WASHC5: variants seen among roughly 807,000 people sequenced by gnomAD.
The protein encoded by WASHC5 is WASH complex subunit 5.
WASHC5 carries 101 observed loss-of-function variants against 150.4 expected under a neutral mutation model. The ratio of observed to expected loss-of-function variants is 0.67; its 90% CI spans 0.57 to 0.79. The LOEUF is 0.79. Among genes scored for constraint, WASHC5 ranks in the 30% least tolerant of loss-of-function variants. The pLI is 0.00. For missense variants in WASHC5, 1,195 were observed against 1,396.3 expected (o/e 0.86, Z 2.30); for synonymous variants, 467 against 491.2 (o/e 0.95, Z 0.65).
At chr8:125,077,797 C>A (rs576283233) in intron 6 of WASHC5, among the ~76,000 whole-genome samples, 1 of 152,262 alleles carries the variant, frequency 6.6e-6, no homozygotes, top group Non-Finnish European at 1.5e-5. Context: ...GGTATGGGAA[C>A]AAAACCTCCT....
chr8:125,063,534 C>T lies in WASHC5; in HGVS notation c.1396G>A (p.Val466Met). ...VFSGVKPLTR[V>M]EKNENLQAWF... ...CTTCAGTAATTACCATTTTTCTCCACTCTGGTTAGGGGTTTCACTCCTGAA... is the reference window on the plus strand; with the variant it reads ...CTTCAGTAATTACCATTTTTCTCCATTCTGGTTAGGGGTTTCACTCCTGAA... Residue 466 changes from valine (V) to methionine (M), a missense_variant, in exon 11 of 29, where the codon GTG (valine) becomes ATG (methionine). Val to Met is a conservative substitution (Grantham distance 21, BLOSUM62 1). This residue lies in a region of WASHC5 where 997 missense variants were observed against 1,168.1 expected (regional missense o/e 0.85). Transcript: ENST00000318410. 6.2e-7 allele frequency: 1 copy of T among 1,613,940 alleles called. No homozygotes were observed. The highest frequency in any genetic ancestry group is 1.1e-5 in the South Asian group (1 of 91,074).
At chr8:125,046,786 G>C (rs1405691467) in intron 20 of WASHC5, among the ~76,000 whole-genome samples, 1 of 152,140 alleles carries the variant, frequency 6.6e-6, no homozygotes, top group African/African-American at 2.4e-5. Context: ...TGGAGACAGG[G>C]GGGCGGGGGA....
chr8:125,032,737 A>T (rs755999807), intron 26 of WASHC5: 8 of 335,552 alleles, frequency 2.4e-5, no homozygotes, highest in African/African-American at 6.6e-5. Flanking sequence ...GACTTCTGTT[A>T]ACGGCAGCAT....
chr8:125,028,306 C>A (rs1042013672), intron 28 of WASHC5, among the ~76,000 whole-genome samples: 3 of 152,230 alleles, frequency 2.0e-5, no homozygotes, highest in Non-Finnish European at 4.4e-5. Context: ...ATGATTATTT[C>A]TTTCCTCTGG....
chr8:125,065,523 C>T (rs1816720500), intron 10 of WASHC5, among the ~76,000 whole-genome samples: 1 of 151,982 alleles, frequency 6.6e-6, no homozygotes, highest in East Asian at 1.9e-4. Flanking sequence ...CTGATTTCCA[C>T]TCAACAATGC....
intron 18 of WASHC5, 40 bp downstream of exon 18, chr8:125,050,524 G>T: frequency 7.1e-7 from 1 of 1,408,132 alleles, no homozygotes; most frequent in Non-Finnish European, 1.0e-6. Flanking sequence ...GCTGCAAGCT[G>T]GGCGGAGAAG....
Position 125,040,273 on chromosome 8 carries a change from T to A in WASHC5, c.2851-375A>T, listed in dbSNP as rs564269510. 3.9e-5 allele frequency among the ~76,000 whole-genome samples: 6 copies of A among 152,350 alleles called. No homozygotes were observed. In the South Asian group the frequency reaches 8.3e-4, roughly 21 times the overall value. ...GCTGCTGTGAGAAGTCTTACTTACT[T>A]CCTTTTATTTATCCTAAATGGAACT... is the stretch of plus-strand genomic sequence containing the variant. On this transcript the variant is annotated intron_variant, in intron 23 of 28. Coordinates refer to ENST00000318410, the MANE Select transcript of WASHC5 (RefSeq NM_014846.4).
rs1816515914 is a variant in WASHC5 at position 125,059,379 on chromosome 8, T to C, written c.1685A>G (p.Asp562Gly). Residue 562 changes from aspartate to glycine, a missense_variant, in exon 13 of 29, where the codon GAC becomes GGC. Coordinates refer to ENST00000318410, the MANE Select transcript of WASHC5 (RefSeq NM_014846.4). Reference sequence around the variant, plus strand: ...AATGTCAGGCTGCCTACATTACCTGTCAATCAACTGCCAAGCGAAAGAAAG... The same window carrying C: ...AATGTCAGGCTGCCTACATTACCTGCCAATCAACTGCCAAGCGAAAGAAAG... ...GDLSFAWQLI[D>G]SFTSIMQESI... The C allele has an allele frequency of 1.2e-6, 2 of 1,614,052 alleles. No individual in the cohort carries two copies.
chr8:125,084,130 T>C, intron 1 of WASHC5, 108 bp from the exon 2 acceptor site: 1 of 519,824 alleles, frequency 1.9e-6, no homozygotes, highest in Non-Finnish European at 3.5e-6. Context: ...TTTTAAGAAA[T>C]AATGAGTTCC....
chr8:125,047,132 C>T, intron 20 of WASHC5, 75 bp downstream of exon 20: 24 of 1,568,814 alleles, frequency 1.5e-5, no homozygotes, highest in Non-Finnish European at 2.1e-5. Context: ...GGAATAGGGG[C>T]TGTGCCACAG....
intron 23 of WASHC5, 65 bp from the exon 24 acceptor site, chr8:125,039,963 T>C (rs1815838759): frequency 9.5e-7 from 1 of 1,048,764 alleles, no homozygotes; most frequent in African/African-American, 1.6e-5. Context: ...AGTGAGGAGG[T>C]AAACACAAAG....
At chr8:125,071,173 T>C (rs1816885993) in intron 9 of WASHC5, among the ~76,000 whole-genome samples, 1 of 152,238 alleles carries the variant, frequency 6.6e-6, no homozygotes, top group Non-Finnish European at 1.5e-5. Context: ...GCCTGCTGAA[T>C]GACACACCTC....
At chr8:125,081,628 C>T (rs748781254) in intron 5 of WASHC5, 33 bp downstream of exon 5, 4 of 1,206,216 alleles carry the variant, frequency 3.3e-6, no homozygotes, top group Admixed American at 1.7e-5. Context: ...CCGACAGCAG[C>T]GTTTCGGAAG....
At chr8:125,038,784 C>T (rs371764965) in intron 25 of WASHC5, 46 bp downstream of exon 25, 51 of 1,610,242 alleles carry the variant, frequency 3.2e-5, no homozygotes, top group African/African-American at 6.7e-5. Flanking sequence ...GGGCCAAATA[C>T]CATTCTGTAC....
At chr8:125,055,897 G>C (rs1165394938) in intron 16 of WASHC5, among the ~76,000 whole-genome samples, 1 of 152,072 alleles carries the variant, frequency 6.6e-6, no homozygotes, top group African/African-American at 2.4e-5. Context: ...TCTCCTTTAG[G>C]CTTCATTTTC....
At chr8:125,032,958 G>A (rs533068460) in intron 26 of WASHC5, among the ~76,000 whole-genome samples, 1 of 152,070 alleles carries the variant, frequency 6.6e-6, no homozygotes, top group African/African-American at 2.4e-5. Flanking sequence ...GTCTTGCTAT[G>A]TTGCCCAGGC....
rs569426560 is a variant in WASHC5, at chr8:125,024,613, AC to A, written c.*3del. Reference sequence around the variant, plus strand: ...TCCTTCCATTGAAGAAGTAGGAAAAACAGTTACAGCACTGTTCTGAACTCAT... The same window carrying A: ...TCCTTCCATTGAAGAAGTAGGAAAAAAGTTACAGCACTGTTCTGAACTCAT... On this transcript the variant is annotated 3_prime_UTR_variant, in exon 29 of 29. Transcript: ENST00000318410. The A allele has an allele frequency of 2.4e-4, 382 of 1,602,600 alleles. 2 individuals carry two copies. In the African/African-American group the frequency reaches 4.4e-3, roughly 18 times the overall value.
At chr8:125,076,320 G>A (rs770320210) in intron 7 of WASHC5, 28 bp downstream of exon 7, 7 of 1,608,270 alleles carry the variant, frequency 4.4e-6, no homozygotes, top group South Asian at 1.1e-5. Context: ...CACATTTACT[G>A]TAGAGGAAAA....
chr8:125,057,690 T>C, intron 14 of WASHC5, 24 bp from the exon 15 acceptor site: 2 of 1,392,566 alleles, frequency 1.4e-6, no homozygotes, highest in Admixed American at 3.5e-5. Flanking sequence ...AAGGTATATC[T>C]GTTTCTTGTT....
Sources: gnomAD v4.1 joint callset for allele counts (sites outside exome capture counted in the v4.1 genomes callset) on GRCh38, gnomAD v4.1.1 for gene constraint, gnomAD v4.1.1 regional missense constraint, MANE v1.5 for transcripts, NCBI Gene and HGNC (gene_info 2026-07-23, HGNC 2026-07-21) for gene names.